Variants in PAPPA2 observed in about 807,000 individuals in gnomAD.
PAPPA2 encodes the protein pappalysin-2.
PAPPA2 carries 86 observed loss-of-function variants against 176.4 expected under a neutral mutation model. The observed-to-expected ratio is 0.49, with a 90% CI of 0.41 to 0.58. PAPPA2 has a LOEUF of 0.58. Ranked by LOEUF, PAPPA2 falls within the 20% of genes least tolerant of loss-of-function variation. The pLI is 0.00. For missense variants in PAPPA2, 2,073 were observed against 2,256.9 expected, an observed-to-expected ratio of 0.92 and a Z score of 1.65; for synonymous variants, 809 against 852.2, an observed-to-expected ratio of 0.95 and a Z score of 0.88.
chr1:176,554,249 C>A (rs181619241), intron 1 of PAPPA2, among the ~76,000 whole-genome samples: 2 of 152,114 alleles, frequency 1.3e-5, no homozygotes, highest in African/African-American at 4.8e-5. Flanking sequence ...AGAGGCAGTG[C>A]GATCTTACTC....
At chr1:176,614,021 G>C (rs1655077506) in intron 3 of PAPPA2, among the ~76,000 whole-genome samples, 1 of 152,150 alleles carries the variant, frequency 6.6e-6, no homozygotes, top group Non-Finnish European at 1.5e-5. Context: ...CCACAGGAGA[G>C]GTTGGGAAAT....
At chr1:176,613,394 G>A (rs546833307) in intron 3 of PAPPA2, among the ~76,000 whole-genome samples, 22 of 152,290 alleles carry the variant, frequency 1.4e-4, no homozygotes, top group South Asian at 6.2e-4. Context: ...ATGAGGAGGC[G>A]TCTCTCAAAT....
chr1:176,816,365 T>A (rs1385480331), intron 21 of PAPPA2, among the ~76,000 whole-genome samples: 1 of 103,664 alleles, frequency 9.6e-6, no homozygotes. Context: ...TTTAGCTCTC[T>A]GACATCATCA....
In PAPPA2 at chr1:176,702,744, T is replaced by TG. The variant is rs1660710818; in HGVS notation, c.3365+9_3365+10insG. 1 of 1,595,100 alleles carries TG rather than the reference T, an allele frequency of 6.3e-7. No homozygotes were observed. On this transcript the variant is annotated intron_variant, in intron 9 of 22. Transcript: ENST00000367662. ...GATGGGAAGGTGTCAGAGTGAGTAT[T>TG]TTGTGTGTGTGTGTGTGTGTGTGTG...
chr1:176,545,389 A>G (rs1650576821), intron 1 of PAPPA2, among the ~76,000 whole-genome samples: 1 of 151,742 alleles, frequency 6.6e-6, no homozygotes, highest in Admixed American at 6.6e-5. Flanking sequence ...TGTGTTCCTC[A>G]TCCATGGATT....
chr1:176,650,037 T>C (rs1657626143), intron 3 of PAPPA2, among the ~76,000 whole-genome samples: 1 of 151,658 alleles, frequency 6.6e-6, no homozygotes, highest in Non-Finnish European at 1.5e-5. Flanking sequence ...TCTTTCTCTT[T>C]ACATCTATTA....
chr1:176,718,482 T>A (rs1661470986), intron 12 of PAPPA2, among the ~76,000 whole-genome samples: 1 of 150,688 alleles, frequency 6.6e-6, no homozygotes, highest in Non-Finnish European at 1.5e-5. Flanking sequence ...CATAGGTAAT[T>A]GCTTTTTGTC....
chr1:176,537,738 G>A (rs1650143645), intron 1 of PAPPA2, among the ~76,000 whole-genome samples: 2 of 151,706 alleles, frequency 1.3e-5, no homozygotes, highest in African/African-American at 4.8e-5. Context: ...GTGTGTGTGT[G>A]TGTGTGTGTG....
chr1:176,739,508 A>T lies in PAPPA2; in HGVS notation c.3799-118A>T, dbSNP rs76896748. The T allele has an allele frequency of 5.2e-4, 594 of 1,134,882 alleles. 1 individual carries two copies. The African/African-American group carries it at 8.4e-3, about 16-fold the overall frequency. The allele number at this position is 1,134,882 out of a possible 1,614,324, so 70.3% of individuals were successfully genotyped here. A position where few individuals can be genotyped will look rare whatever the true frequency, so the allele number is the denominator to read the frequency against. On this transcript the variant is annotated intron_variant, in intron 12 of 22. Coordinates refer to ENST00000367662, the MANE Select transcript of PAPPA2 (RefSeq NM_020318.3). ...TCCATATTTTTAGCATTTATAAAAA[A>T]AATGGAAGCTCTTACTTTATAAATA...
chr1:176,518,608 G>C (rs146642383), intron 1 of PAPPA2, among the ~76,000 whole-genome samples: 1 of 152,148 alleles, frequency 6.6e-6, no homozygotes, highest in Non-Finnish European at 1.5e-5. Flanking sequence ...TCCAATCAAG[G>C]GTCCTTATTT....
chr1:176,802,607 T>G (rs1390688963), intron 21 of PAPPA2, among the ~76,000 whole-genome samples: 1 of 152,146 alleles, frequency 6.6e-6, no homozygotes, highest in African/African-American at 2.4e-5. Context: ...AGGTATTTTG[T>G]TACCCAGTAT....
At chr1:176,657,255 G>A (rs1658086399) in intron 3 of PAPPA2, among the ~76,000 whole-genome samples, 1 of 151,956 alleles carries the variant, frequency 6.6e-6, no homozygotes, top group South Asian at 2.1e-4. Flanking sequence ...AGATAGGCAT[G>A]GAAGGGAAGG....
At chr1:176,514,938 C>G (rs539518074) in intron 1 of PAPPA2, among the ~76,000 whole-genome samples, 1 of 152,254 alleles carries the variant, frequency 6.6e-6, no homozygotes, top group Non-Finnish European at 1.5e-5. Context: ...ACATCTCTAT[C>G]GAGCTCCTAG....
chr1:176,611,454 G>A (rs563228477), intron 3 of PAPPA2, among the ~76,000 whole-genome samples: 66 of 152,262 alleles, frequency 4.3e-4, no homozygotes, highest in African/African-American at 1.3e-3. Flanking sequence ...GTAATTATAT[G>A]TAAGTATTCT....
intron 4 of PAPPA2, among the ~76,000 whole-genome samples, chr1:176,689,609 T>C (rs951911311): frequency 1.3e-5 from 2 of 152,154 alleles, no homozygotes; most frequent in Non-Finnish European, 2.9e-5. Context: ...ACAACAAAAC[T>C]GAGTTCCAGG....
chr1:176,708,753 T>G (rs1661000238), intron 10 of PAPPA2, among the ~76,000 whole-genome samples: 1 of 152,098 alleles, frequency 6.6e-6, no homozygotes, highest in South Asian at 2.1e-4. Context: ...AGAGAATAAT[T>G]AATAACTATA....
Position 176,706,232 on chromosome 1 carries a change from C to T in PAPPA2, c.3366-127C>T, listed in dbSNP as rs1218435047. ...ATTTTCTGTAAAAGCATTCTTCTAG[C>T]TCCTACTTTTTTCCAACTTGCACTT... On this transcript the variant is annotated intron_variant, in intron 9 of 22. Transcript: ENST00000367662. 1.2e-5 allele frequency: 8 copies of T among 694,030 alleles called. No homozygotes were observed. The African/African-American group carries it at 1.3e-4, about 11-fold the overall frequency. 43.0% of individuals were successfully genotyped at this position (694,030 alleles called of 1,614,324 possible).
chr1:176,607,541 A>C (rs1304904179), intron 3 of PAPPA2, among the ~76,000 whole-genome samples: 1 of 152,158 alleles, frequency 6.6e-6, no homozygotes, highest in African/African-American at 2.4e-5. Context: ...GGCAGATTTC[A>C]TTCCTTTTTG....
chr1:176,642,722 G>C (rs938273113), intron 3 of PAPPA2, among the ~76,000 whole-genome samples: 1 of 152,040 alleles, frequency 6.6e-6, no homozygotes, highest in East Asian at 1.9e-4. Flanking sequence ...ATCAGTAATT[G>C]AGTGTATGTT....
Sources: gnomAD v4.1 joint callset for allele counts (sites outside exome capture counted in the v4.1 genomes callset) on GRCh38, gnomAD v4.1.1 for gene constraint, MANE v1.5 for transcripts, NCBI Gene and HGNC (gene_info 2026-07-23, HGNC 2026-07-21) for gene names.